Variants in SGCZ observed in about 807,000 individuals in gnomAD.
The protein encoded by SGCZ is zeta-sarcoglycan.
A neutral mutation model predicts 41.3 loss-of-function variants in SGCZ; 40 were observed. That is an observed-to-expected ratio of 0.97 (90% CI 0.75 to 1.26). SGCZ has a LOEUF of 1.26. Ranked by LOEUF, SGCZ falls within the 50% of genes most tolerant of loss-of-function variation. SGCZ has a pLI of 0.00. For missense variants in SGCZ, 552 were observed against 369.8 expected (o/e 1.49, Z -4.04); for synonymous variants, 206 against 137.5 (o/e 1.50, Z -3.49).
rs148772971 is a variant in SGCZ, at chr8:14,612,221, G to A, written c.40-57295C>T. ...CTAATTGTAATCCCCATGTGTTGAG[G>A]GAGGGAACTGTTGCCAGGTGATTGG... On this transcript the variant is annotated intron_variant, in intron 1 of 7. Transcript: ENST00000382080. 3.9e-3 allele frequency among the ~76,000 whole-genome samples: 587 copies of A among 152,190 alleles called. 13 individuals carry two copies. The highest frequency in any genetic ancestry group is 0.031 in the Admixed American group (475 of 15,286).
intron 2 of SGCZ, among the ~76,000 whole-genome samples, chr8:14,404,152 T>G: frequency 6.6e-6 from 1 of 152,286 alleles, no homozygotes; most frequent in South Asian, 2.1e-4. Context: ...TTTTAAATTT[T>G]ACTCTCATAA....
intron 2 of SGCZ, among the ~76,000 whole-genome samples, chr8:14,360,232 A>G (rs753749978): frequency 2.6e-5 from 4 of 152,166 alleles, no homozygotes; most frequent in African/African-American, 9.7e-5. Context: ...CACCACTCTT[A>G]TTCAACATAG....
chr8:14,524,713 T>C (rs1802887891), intron 2 of SGCZ, among the ~76,000 whole-genome samples: 1 of 152,268 alleles, frequency 6.6e-6, no homozygotes, highest in East Asian at 1.9e-4. Flanking sequence ...AAACCTTCTC[T>C]GCACGGTTTT....
intron 2 of SGCZ, among the ~76,000 whole-genome samples, chr8:14,385,998 C>T (rs1259987132): frequency 4.6e-5 from 7 of 152,040 alleles, no homozygotes; most frequent in African/African-American, 7.2e-5. Context: ...CTATGTAAAT[C>T]GCTGTTATAC....
chr8:15,218,662 C>T (rs1206404323), intron 1 of SGCZ, among the ~76,000 whole-genome samples: 10 of 152,172 alleles, frequency 6.6e-5, no homozygotes, highest in East Asian at 1.9e-4. Context: ...TGAGTACACT[C>T]GTTTTTTTAC....
chr8:14,479,179 T>C (rs563874671), intron 2 of SGCZ, among the ~76,000 whole-genome samples: 2 of 152,200 alleles, frequency 1.3e-5, no homozygotes, highest in South Asian at 2.1e-4. Flanking sequence ...ACCTCAAAAG[T>C]AGTGAAGCCG....
chr8:14,436,519 G>T (rs900431580), intron 2 of SGCZ, among the ~76,000 whole-genome samples: 1 of 152,140 alleles, frequency 6.6e-6, no homozygotes, highest in Admixed American at 6.5e-5. Context: ...TATAGTGGTA[G>T]TAAGACCATA....
At chr8:14,807,305 C>T (rs896146693) in intron 1 of SGCZ, among the ~76,000 whole-genome samples, 73 of 152,102 alleles carry the variant, frequency 4.8e-4, no homozygotes, top group Admixed American at 1.7e-3. Flanking sequence ...TGTTTGCAGA[C>T]GACATGATTG....
chr8:14,443,696 A>G (rs921179188), intron 2 of SGCZ, among the ~76,000 whole-genome samples: 6 of 152,172 alleles, frequency 3.9e-5, no homozygotes, highest in Admixed American at 1.3e-4. Flanking sequence ...TAGACCTAAA[A>G]CCATAAAAAT....
intron 2 of SGCZ, among the ~76,000 whole-genome samples, chr8:14,506,671 T>C (rs988051964): frequency 3.9e-5 from 6 of 152,318 alleles, no homozygotes; most frequent in South Asian, 2.1e-4. Context: ...TTGCCTGCCC[T>C]TCCCCATTTA....
chr8:14,906,898 C>T (rs1214642924), intron 1 of SGCZ, among the ~76,000 whole-genome samples: 1 of 152,112 alleles, frequency 6.6e-6, no homozygotes, highest in African/African-American at 2.4e-5. Flanking sequence ...TAGACAATGG[C>T]ATTGTTATGG....
chr8:15,165,704 G>A (rs1315726332), intron 1 of SGCZ, among the ~76,000 whole-genome samples: 1 of 152,178 alleles, frequency 6.6e-6, no homozygotes. Flanking sequence ...TTAATCAAAG[G>A]TTATAAGAAG....
intron 7 of SGCZ, among the ~76,000 whole-genome samples, chr8:14,093,051 GA>G (rs1324303432): frequency 2.6e-5 from 4 of 151,046 alleles, no homozygotes; most frequent in African/African-American, 2.4e-5. Flanking sequence ...TTCAGAAAAA[GA>G]AAAAAAACGG....
At chr8:14,809,215 A>C (rs567005765) in intron 1 of SGCZ, among the ~76,000 whole-genome samples, 71 of 152,266 alleles carry the variant, frequency 4.7e-4, no homozygotes, top group African/African-American at 1.5e-3. Context: ...ATGTACCCTA[A>C]AACTTAAAGT....
chr8:15,081,171 A>G (rs1180805044), intron 1 of SGCZ, among the ~76,000 whole-genome samples: 1 of 152,166 alleles, frequency 6.6e-6, no homozygotes, highest in Non-Finnish European at 1.5e-5. Flanking sequence ...CTACTTCAAG[A>G]CACTAAATTT....
chr8:15,042,174 A>T (rs1563461239), intron 1 of SGCZ, among the ~76,000 whole-genome samples: 1 of 152,134 alleles, frequency 6.6e-6, no homozygotes, highest in Non-Finnish European at 1.5e-5. Flanking sequence ...CTTTCTAAAA[A>T]CAAGCCTAAA....
intron 1 of SGCZ, among the ~76,000 whole-genome samples, chr8:15,216,152 A>T (rs1359100054): frequency 1.3e-5 from 2 of 152,254 alleles, no homozygotes; most frequent in Admixed American, 6.5e-5. Flanking sequence ...GATATGGTTG[A>T]AAGCAAAGGC....
In SGCZ at chr8:14,089,603, T is replaced by C. The variant is rs1387962834; in HGVS notation, c.*840A>G. On this transcript the variant is annotated 3_prime_UTR_variant, in exon 8 of 8. Coordinates refer to ENST00000382080, the MANE Select transcript of SGCZ (RefSeq NM_139167.4). ...TTTTAAAAATCATCTATGGATTTAA[T>C]ACCATCAACATATCCTTCTTAATCC... is the stretch of plus-strand genomic sequence containing the variant. Among the ~76,000 whole-genome samples, 1 of 152,048 alleles carries C rather than the reference T, an allele frequency of 6.6e-6. No individual in the cohort carries two copies. Among genetic ancestry groups the C allele is most frequent in the Admixed American group, 6.6e-5 (1 of 15,238 alleles).
intron 1 of SGCZ, among the ~76,000 whole-genome samples, chr8:14,694,943 A>G (rs1808909178): frequency 6.6e-6 from 1 of 152,162 alleles, no homozygotes; most frequent in African/African-American, 2.4e-5. Flanking sequence ...AAATGAAAAG[A>G]AAAAAATGAT....
Sources: gnomAD v4.1 joint callset for allele counts (sites outside exome capture counted in the v4.1 genomes callset) on GRCh38, gnomAD v4.1.1 for gene constraint, MANE v1.5 for transcripts, NCBI Gene and HGNC (gene_info 2026-07-23, HGNC 2026-07-21) for gene names.